The following GRID2 variants were observed in gnomAD, a reference collection of about 807,000 sequenced individuals.
The protein encoded by GRID2 is glutamate receptor ionotropic, delta-2.
Under a neutral mutation model 114.8 loss-of-function variants are expected in GRID2, and 33 were observed. The observed-to-expected ratio is 0.29, with a 90% confidence interval of 0.22 to 0.38. The LOEUF (loss-of-function observed/expected upper bound fraction) is 0.38, where lower values mean the gene tolerates loss of function less well. Ranked by LOEUF, GRID2 falls within the 10% of genes least tolerant of loss-of-function variation. The pLI, the probability that GRID2 is intolerant of heterozygous loss-of-function variation, is 1.00. For missense variants in GRID2, 1,184 were observed against 1,257.7 expected, an observed-to-expected ratio of 0.94 and a Z score of 0.89; for synonymous variants, 505 against 449.9, an observed-to-expected ratio of 1.12 and a Z score of -1.55.
At chr4:93,164,327 G>A (rs1390130576) in intron 4 of GRID2, among the ~76,000 whole-genome samples, 1 of 152,042 alleles carries the variant, frequency 6.6e-6, no homozygotes, top group Non-Finnish European at 1.5e-5. Flanking sequence ...AAGAGCAGAT[G>A]TAACGGGCTA....
At chr4:93,436,004 T>TA (rs35709375) in intron 10 of GRID2, among the ~76,000 whole-genome samples, 103,206 of 151,940 alleles carry the variant, frequency 0.68, 35,431 homozygotes, top group African/African-American at 0.77. Flanking sequence ...CCCCATTTCT[T>TA]AAAAAAGGTA....
downstream of GRID2, among the ~76,000 whole-genome samples, chr4:93,775,612 A>G (rs191447263): frequency 3.9e-5 from 6 of 152,340 alleles, no homozygotes; most frequent in East Asian, 1.2e-3. Context: ...CTGGTTTGCA[A>G]CACTTAGACC....
intron 2 of GRID2, among the ~76,000 whole-genome samples, chr4:92,713,158 C>CT (rs1735343974): frequency 1.3e-5 from 2 of 151,728 alleles, no homozygotes; most frequent in South Asian, 4.2e-4. Context: ...CCCCCCACCC[C>CT]ACAACAGGCC....
At chr4:93,388,454 C>T (rs968072236) in intron 8 of GRID2, among the ~76,000 whole-genome samples, 1 of 152,018 alleles carries the variant, frequency 6.6e-6, no homozygotes, top group African/African-American at 2.4e-5. Context: ...AAGCTTTAGT[C>T]AGTGCTTTAG....
intron 13 of GRID2, among the ~76,000 whole-genome samples, chr4:93,546,358 T>C (rs998563214): frequency 2.0e-5 from 3 of 152,158 alleles, no homozygotes; most frequent in Admixed American, 1.3e-4. Context: ...TTTACAGCCA[T>C]ATTTGTGGAT....
chr4:92,376,015 A>G (rs1424137236), intron 1 of GRID2, among the ~76,000 whole-genome samples: 1 of 152,132 alleles, frequency 6.6e-6, no homozygotes, highest in Non-Finnish European at 1.5e-5. Context: ...GTTTCTCCAT[A>G]AAAGAATTTT....
chr4:92,748,895 C>T (rs1737291231), intron 2 of GRID2, among the ~76,000 whole-genome samples: 1 of 151,970 alleles, frequency 6.6e-6, no homozygotes, highest in Non-Finnish European at 1.5e-5. Context: ...AACTCCTGAG[C>T]TCAGGTGATC....
At chr4:93,540,012 G>A (rs1732497979) in intron 13 of GRID2, among the ~76,000 whole-genome samples, 1 of 151,804 alleles carries the variant, frequency 6.6e-6, no homozygotes, top group East Asian at 1.9e-4. Context: ...TCTATTTTTA[G>A]TTTCTTTCTG....
At chr4:93,033,852 A>G (rs1400559069) in intron 2 of GRID2, among the ~76,000 whole-genome samples, 1 of 152,190 alleles carries the variant, frequency 6.6e-6, no homozygotes, top group Non-Finnish European at 1.5e-5. Context: ...CAGGTCATTT[A>G]TTTATTCATT....
chr4:93,188,105 C>G (rs1428254265), intron 4 of GRID2, among the ~76,000 whole-genome samples: 1 of 152,200 alleles, frequency 6.6e-6, no homozygotes, highest in South Asian at 2.1e-4. Flanking sequence ...CTGTACTATT[C>G]TGGAATCTCA....
chr4:93,592,024 T>C (rs1738394429), intron 13 of GRID2, among the ~76,000 whole-genome samples: 1 of 152,202 alleles, frequency 6.6e-6, no homozygotes. Flanking sequence ...GATTCATTAA[T>C]TTTTTGAAGG....
intron 2 of GRID2, among the ~76,000 whole-genome samples, chr4:92,985,490 G>C (rs1754461659): frequency 6.6e-6 from 1 of 152,054 alleles, no homozygotes; most frequent in Admixed American, 6.5e-5. Flanking sequence ...GCCCGCCTCA[G>C]CCTTCCAAAG....
rs1320837318 is a variant in GRID2 at position 93,515,315 on chromosome 4, T to C, written c.2097T>C (p.Phe699=). 2 of 1,611,222 alleles carry C rather than the reference T, an allele frequency of 1.2e-6. No individual in the cohort carries two copies. The highest frequency in any genetic ancestry group is 2.2e-5 in the East Asian group (1 of 44,802). ...TCCGCATGAAAGGACTGAATCCTTT[T>C]GAGAGGGACAGCATGTATTCCCAAA... ...EHVRMKGLNP[F]ERDSMYSQMW... The change falls in exon 13 of 16, where the codon TTT becomes TTC. Residue 699 remains phenylalanine (F), a synonymous_variant. Coordinates refer to ENST00000282020, the MANE Select transcript of GRID2 (RefSeq NM_001510.4).
intron 8 of GRID2, among the ~76,000 whole-genome samples, chr4:93,240,224 A>G (rs575135753): frequency 5.9e-5 from 9 of 151,668 alleles, no homozygotes; most frequent in Non-Finnish European, 1.0e-4. Flanking sequence ...ACCCATTTTC[A>G]TAGTAATTTA....
At chr4:92,931,168 T>C (rs932234830) in intron 2 of GRID2, among the ~76,000 whole-genome samples, 1 of 150,700 alleles carries the variant, frequency 6.6e-6, no homozygotes, top group African/African-American at 2.4e-5. Flanking sequence ...TGGAGCAGAG[T>C]TTGCTATAGG....
At chr4:92,358,426 A>T (rs934142920) in intron 1 of GRID2, among the ~76,000 whole-genome samples, 1 of 151,866 alleles carries the variant, frequency 6.6e-6, no homozygotes, top group African/African-American at 2.4e-5. Context: ...CTGGCAGTGG[A>T]TGAACTCACT....
chr4:93,537,998 G>C (rs1578213931), intron 13 of GRID2, among the ~76,000 whole-genome samples: 1 of 151,656 alleles, frequency 6.6e-6, no homozygotes, highest in African/African-American at 2.4e-5. Flanking sequence ...TCTGCAACGT[G>C]AAACTATACA....
chr4:92,533,766 A>G (rs538603309), intron 1 of GRID2, among the ~76,000 whole-genome samples: 1 of 152,150 alleles, frequency 6.6e-6, no homozygotes, highest in Non-Finnish European at 1.5e-5. Flanking sequence ...TTTCTTGGAA[A>G]TAAATCTAAA....
intron 2 of GRID2, among the ~76,000 whole-genome samples, chr4:92,770,833 T>C (rs143536839): frequency 6.6e-6 from 1 of 152,138 alleles, no homozygotes; most frequent in African/African-American, 2.4e-5. Flanking sequence ...AAGATAAGAT[T>C]TGAGTGGGGA....
Sources: gnomAD v4.1 joint callset for allele counts (sites outside exome capture counted in the v4.1 genomes callset) on GRCh38, gnomAD v4.1.1 for gene constraint, MANE v1.5 for transcripts, NCBI Gene and HGNC (gene_info 2026-07-23, HGNC 2026-07-21) for gene names.